EDRF1: variants seen among roughly 807,000 people sequenced by gnomAD.
EDRF1 encodes erythroid differentiation-related factor 1.
A neutral mutation model predicts 148.7 loss-of-function variants in EDRF1; 69 were observed. The ratio of observed to expected loss-of-function variants is 0.46; its 90% confidence interval spans 0.38 to 0.57. EDRF1 has a LOEUF of 0.57. Among genes scored for constraint, EDRF1 ranks in the 20% least tolerant of loss-of-function variants. The pLI is 0.00. For synonymous variants in EDRF1, 515 were observed against 532.8 expected (o/e 0.97, Z 0.46); for missense variants, 1,118 against 1,478.7 (o/e 0.76, Z 4.00).
At chr10:125,750,202 G>A (rs1849569945) in intron 22 of EDRF1, among the ~76,000 whole-genome samples, 1 of 152,004 alleles carries the variant, frequency 6.6e-6, no homozygotes, top group Non-Finnish European at 1.5e-5. Flanking sequence ...GGAATGGAGA[G>A]GCAACAGTAA....
At chr10:125,750,427 C>T (rs763996584) in intron 22 of EDRF1, 2 of 152,372 alleles carry the variant, frequency 1.3e-5, no homozygotes, top group South Asian at 2.1e-4. Context: ...CTCCCCCTCT[C>T]TCTCTTGCTC....
At chr10:125,747,760 G>A in intron 20 of EDRF1, 66 bp downstream of exon 20, 1 of 1,610,516 alleles carries the variant, frequency 6.2e-7, no homozygotes, top group Non-Finnish European at 8.5e-7. Context: ...CAAATATTTA[G>A]CGTCTGTTGT....
At chr10:125,747,449 G>T in intron 19 of EDRF1, 87 bp from the exon 20 acceptor site, 1 of 1,357,542 alleles carries the variant, frequency 7.4e-7, no homozygotes, top group Non-Finnish European at 1.1e-6. Flanking sequence ...TTAACATCTG[G>T]GTAGTTGTGA....
chr10:125,728,516 A>G (rs61871472), intron 6 of EDRF1, among the ~76,000 whole-genome samples: 2 of 151,900 alleles, frequency 1.3e-5, no homozygotes, highest in African/African-American at 2.4e-5. Flanking sequence ...GCTGAGTAAG[A>G]TTTCTTAGGG....
intron 24 of EDRF1, among the ~76,000 whole-genome samples, chr10:125,762,908 C>A (rs1157679911): frequency 6.6e-6 from 1 of 152,164 alleles, no homozygotes; most frequent in Non-Finnish European, 1.5e-5. Context: ...CATGGCCGTC[C>A]GTCTGTCACT....
At chr10:125,744,086 T>C (rs1349858596) in intron 18 of EDRF1, among the ~76,000 whole-genome samples, 1 of 152,062 alleles carries the variant, frequency 6.6e-6, no homozygotes, top group Admixed American at 6.6e-5. Context: ...ATAAAGGTAA[T>C]AGTTGAAGCC....
intron 18 of EDRF1, among the ~76,000 whole-genome samples, chr10:125,744,095 C>T (rs993011625): frequency 6.6e-6 from 1 of 151,950 alleles, no homozygotes; most frequent in Non-Finnish European, 1.5e-5. Flanking sequence ...ATAGTTGAAG[C>T]CGTGAGAATA....
rs552363921 is a variant in EDRF1, at chr10:125,737,483, G to A, written c.1759-435G>A. 2.0e-5 allele frequency among the ~76,000 whole-genome samples: 3 copies of A among 152,168 alleles called. 1 individual carries two copies. Among genetic ancestry groups the A allele is most frequent in the African/African-American group, 7.2e-5 (3 of 41,520 alleles). On this transcript the variant is annotated intron_variant, in intron 13 of 24. Coordinates refer to ENST00000356792, the MANE Select transcript of EDRF1 (RefSeq NM_001202438.2). ...ATGAGAACAGTAATTCCAACCCCAC[G>A]GGATTCAGCGAAATGAAATGCTTCA... is the stretch of plus-strand genomic sequence containing the variant.
rs576646038 is a variant in EDRF1, at chr10:125,761,359, G to A, written c.3546-1942G>A. ...TGAATTTAGAATTTACTCTTCTACT[G>A]TATTTTAATATTCATTGCTTTCACA... is the stretch of plus-strand genomic sequence containing the variant. On this transcript the variant is annotated intron_variant, in intron 24 of 24. Coordinates refer to ENST00000356792, the MANE Select transcript of EDRF1 (RefSeq NM_001202438.2). 76 of 238,898 alleles carry A rather than the reference G, an allele frequency of 3.2e-4. 1 individual carries two copies. The highest frequency in any genetic ancestry group is 3.1e-3 in the South Asian group (74 of 23,534). 14.8% of individuals were successfully genotyped at this position (238,898 alleles called of 1,614,324 possible). A position where few individuals can be genotyped will look rare whatever the true frequency, so the allele number is the denominator to read the frequency against.
intron 24 of EDRF1, among the ~76,000 whole-genome samples, chr10:125,759,360 G>T (rs1161927758): frequency 1.3e-5 from 2 of 152,140 alleles, no homozygotes; most frequent in Non-Finnish European, 2.9e-5. Context: ...AGGCTAGTTG[G>T]CTGCCCCACC....
In EDRF1 at chr10:125,745,707, T is replaced by C. The variant is rs1849316657; in HGVS notation, c.2591T>C (p.Val864Ala). The C allele has an allele frequency of 1.2e-6, 2 of 1,614,058 alleles. No individual in the cohort carries two copies. Among genetic ancestry groups the C allele is most frequent in the Non-Finnish European group, 1.7e-6 (2 of 1,180,002 alleles). ...TTGTTTTCTTTCTTTCTCTGTAAAGTGAGCAAATCTGTGTCTGCTGCCGAG... is the reference window on the plus strand; with the variant it reads ...TTGTTTTCTTTCTTTCTCTGTAAAGCGAGCAAATCTGTGTCTGCTGCCGAG... ...QAAALQSERL[V>A]SKSVSAAEQQ... The change falls in exon 19 of 25, where the codon GTG becomes GCG. Residue 864 changes from valine (V) to alanine (A), a missense_variant and splice_region_variant. Val to Ala is a moderately conservative substitution (Grantham distance 64). This residue lies in a region of EDRF1 where 954 missense variants were observed against 1,241.4 expected (regional missense o/e 0.77). Transcript: ENST00000356792.
At chr10:125,727,099 A>G (rs753713957) in intron 6 of EDRF1, among the ~76,000 whole-genome samples, 6 of 152,148 alleles carry the variant, frequency 3.9e-5, no homozygotes, top group Non-Finnish European at 4.4e-5. Flanking sequence ...TCATCAAAAG[A>G]TGTTTCACAT....
intron 18 of EDRF1, among the ~76,000 whole-genome samples, chr10:125,744,287 T>C (rs1849215241): frequency 6.6e-6 from 1 of 151,324 alleles, no homozygotes. Flanking sequence ...GGCATAATCA[T>C]AGCTTGCCAC....
chr10:125,733,687 A>T lies in EDRF1; in HGVS notation c.1329A>T (p.Glu443Asp). ...KLYDLTTLCE[E>D]TEDKYQNPFT... ...ATGACCTCACTACTCTTTGTGAAGA[A>T]ACTGAAGACAAATACCAAAATCCAT... is the stretch of plus-strand genomic sequence containing the variant. The change falls in exon 11 of 25, where the codon GAA becomes GAT. Residue 443 changes from glutamate to aspartate, a missense_variant. Around this residue, in one of 3 missense-constraint regions of EDRF1, gnomAD observed 954 missense variants for 1,241.4 expected, o/e 0.77. Transcript: ENST00000356792. 6.2e-7 allele frequency: 1 copy of T among 1,613,598 alleles called. No individual in the cohort carries two copies. The highest frequency in any genetic ancestry group is 1.7e-5 in the Admixed American group (1 of 60,012).
chr10:125,740,045 G>A (rs1004934448), intron 15 of EDRF1, among the ~76,000 whole-genome samples: 23 of 152,220 alleles, frequency 1.5e-4, no homozygotes, highest in Non-Finnish European at 3.2e-4. Context: ...GGATGGACAA[G>A]TAGGAAGTGA....
Position 125,745,944 on chromosome 10 carries a change from G to T in EDRF1, c.2814+14G>T, listed in dbSNP as rs368656619. ...TATTATAATAAGGTAACACATTCGCGTACATGTTGGGCCTCACCCATTCAC... is the reference window on the plus strand; with the variant it reads ...TATTATAATAAGGTAACACATTCGCTTACATGTTGGGCCTCACCCATTCAC... On this transcript the variant is annotated intron_variant, in intron 19 of 24. Coordinates refer to ENST00000356792, the MANE Select transcript of EDRF1 (RefSeq NM_001202438.2). 7.9e-5 allele frequency: 128 copies of T among 1,611,678 alleles called. No homozygotes were observed. In the African/African-American group the frequency reaches 1.1e-3, roughly 14 times the overall value.
In EDRF1 at chr10:125,753,709, G is replaced by A. The variant is rs771982577; in HGVS notation, c.3409G>A (p.Ala1137Thr). Residue 1137 changes from alanine to threonine, a missense_variant, in exon 24 of 25, where the codon GCC becomes ACC. Physicochemically the swap from Ala to Thr is moderately conservative, Grantham distance 58. This residue lies in a region of EDRF1 where 954 missense variants were observed against 1,241.4 expected (regional missense o/e 0.77). Transcript: ENST00000356792. ...EEFGQPKSGD[A>T]AAAADASPSL... ...TTGTTTTTAGCCTAAGAGTGGTGACGCCGCTGCAGCTGCTGATGCTTCTCC... is the reference window on the plus strand; with the variant it reads ...TTGTTTTTAGCCTAAGAGTGGTGACACCGCTGCAGCTGCTGATGCTTCTCC... The A allele has an allele frequency of 4.3e-6, 7 of 1,613,868 alleles. No homozygotes were observed. The highest frequency in any genetic ancestry group is 2.2e-5 in the East Asian group (1 of 44,882).
Position 125,719,802 on chromosome 10 carries a change from G to A in EDRF1, c.-6G>A. ...CCCGTCGTATCGCCTGCCCTGGATC[G>A]AAGTGATGGGGGATGCCAAGGAGGC... On this transcript the variant is annotated 5_prime_UTR_variant, in exon 1 of 25. Transcript: ENST00000356792. The A allele has an allele frequency of 6.2e-7, 1 of 1,609,162 alleles. No homozygotes were observed. The highest frequency in any genetic ancestry group is 8.5e-7 in the Non-Finnish European group (1 of 1,177,728).
At position 125,725,316 on chromosome 10, in the gene EDRF1, A is replaced by G. The variant is rs1475639885; in HGVS notation, c.511-2A>G. 1.2e-6 allele frequency: 2 copies of G among 1,614,022 alleles called. No individual in the cohort carries two copies. Among genetic ancestry groups the G allele is most frequent in the Non-Finnish European group, 1.7e-6 (2 of 1,179,924 alleles). On this transcript the variant is annotated splice_acceptor_variant, in intron 4 of 24. Transcript: ENST00000356792. LOFTEE classifies it high-confidence loss of function. ...TAATAATATGTATCTCATGTTATCC[A>G]GACTGGTGACTGGACATGGTTGAAA... is the stretch of plus-strand genomic sequence containing the variant.
Sources: allele counts gnomAD v4.1 joint callset (sites outside exome capture counted in the v4.1 genomes callset), GRCh38; gene constraint gnomAD v4.1.1; regional missense constraint gnomAD v4.1.1; transcripts MANE v1.5; gene names NCBI Gene and HGNC (gene_info 2026-07-23, HGNC 2026-07-21).